Variants in AKAP6 observed in about 807,000 individuals in gnomAD.
AKAP6 encodes the protein A-kinase anchor protein 6.
AKAP6 carries 58 observed loss-of-function variants against 188.5 expected under a neutral mutation model. The ratio of observed to expected loss-of-function variants is 0.31; its 90% CI spans 0.25 to 0.38. The LOEUF (loss-of-function observed/expected upper bound fraction) is 0.38, where lower values mean the gene tolerates loss of function less well. Ranked by LOEUF, AKAP6 falls within the 10% of genes least tolerant of loss-of-function variation. The pLI, the probability that AKAP6 is intolerant of heterozygous loss-of-function variation, is 1.00. For synonymous variants in AKAP6, 989 were observed against 998.6 expected (o/e 0.99, Z 0.18); for missense variants, 2,710 against 2,740.0 (o/e 0.99, Z 0.24).
intron 2 of AKAP6, among the ~76,000 whole-genome samples, chr14:32,438,293 C>A (rs947969553): frequency 1.3e-5 from 2 of 152,128 alleles, no homozygotes; most frequent in Non-Finnish European, 2.9e-5. Context: ...AATGGTTGTG[C>A]CTGGCCCCTC....
At chr14:32,652,570 A>T (rs75753432) in intron 7 of AKAP6, among the ~76,000 whole-genome samples, 1,705 of 152,336 alleles carry the variant, frequency 0.011, 30 homozygotes, top group African/African-American at 0.039. Flanking sequence ...ATCAGATTAA[A>T]TCAAATATAT....
chr14:32,585,913 G>C (rs1885218099), intron 5 of AKAP6, among the ~76,000 whole-genome samples: 1 of 152,148 alleles, frequency 6.6e-6, no homozygotes, highest in African/African-American at 2.4e-5. Context: ...ACAGGTTGGG[G>C]CTGGGTGGTA....
intron 2 of AKAP6, among the ~76,000 whole-genome samples, chr14:32,487,051 C>T (rs542969467): frequency 5.8e-4 from 88 of 152,256 alleles, no homozygotes; most frequent in African/African-American, 2.0e-3. Flanking sequence ...TATCCCAGGC[C>T]TTTTCTGCCT....
intron 2 of AKAP6, among the ~76,000 whole-genome samples, chr14:32,459,244 A>G (rs1353104474): frequency 6.6e-6 from 1 of 152,114 alleles, no homozygotes; most frequent in African/African-American, 2.4e-5. Context: ...GGTAAGGGGG[A>G]GGCAATTGAC....
chr14:32,743,918 T>A (rs1229753246), intron 11 of AKAP6, among the ~76,000 whole-genome samples: 1 of 152,266 alleles, frequency 6.6e-6, no homozygotes, highest in African/African-American at 2.4e-5. Context: ...AACGTCCTTT[T>A]CTTTCTAACT....
chr14:32,457,122 G>GA (rs1286252419), intron 2 of AKAP6, among the ~76,000 whole-genome samples: 2 of 151,934 alleles, frequency 1.3e-5, no homozygotes, highest in Admixed American at 6.6e-5. Context: ...TGATTAAATG[G>GA]AAAAAAACAA....
intron 1 of AKAP6, among the ~76,000 whole-genome samples, chr14:32,432,267 A>G (rs1368935368): frequency 6.6e-6 from 1 of 152,200 alleles, no homozygotes; most frequent in African/African-American, 2.4e-5. Context: ...TCTTGAGACT[A>G]AAAATAGTGC....
chr14:32,688,201 T>C (rs933385067), intron 8 of AKAP6, among the ~76,000 whole-genome samples: 1 of 151,840 alleles, frequency 6.6e-6, no homozygotes, highest in Non-Finnish European at 1.5e-5. Context: ...GATCAATTTT[T>C]GTACTGTTTT....
At chr14:32,769,512 G>A (rs2032831622) in intron 11 of AKAP6, among the ~76,000 whole-genome samples, 1 of 150,182 alleles carries the variant, frequency 6.7e-6, no homozygotes, top group South Asian at 2.1e-4. Context: ...CAGTTGATCA[G>A]TTTAGAAGGC....
chr14:32,425,770 G>A (rs1477681424), intron 1 of AKAP6, among the ~76,000 whole-genome samples: 3 of 152,118 alleles, frequency 2.0e-5, no homozygotes, highest in Non-Finnish European at 4.4e-5. Flanking sequence ...TGCATAGTTT[G>A]CAAAAATTTT....
At chr14:32,415,239 G>T (rs1594591221) in intron 1 of AKAP6, among the ~76,000 whole-genome samples, 1 of 152,120 alleles carries the variant, frequency 6.6e-6, no homozygotes, top group Non-Finnish European at 1.5e-5. Flanking sequence ...GTGTCTTAAG[G>T]TTTGTATATG....
Position 32,831,072 on chromosome 14 carries a change from T to C in AKAP6, c.*1267T>C, listed in dbSNP as rs1054267029. The C allele has an allele frequency of 6.6e-6, 1 of 152,200 alleles. No homozygotes were observed. The highest frequency in any genetic ancestry group is 1.5e-5 in the Non-Finnish European group (1 of 68,024). 9.4% of individuals were successfully genotyped at this position (152,200 alleles called of 1,614,324 possible). ...CTAGATTTTTTATTTCCACTTATCA[T>C]TAATGATTTAATGTTGGATTTCAGG... On this transcript the variant is annotated 3_prime_UTR_variant, in exon 14 of 14. Transcript: ENST00000280979.
intron 2 of AKAP6, among the ~76,000 whole-genome samples, chr14:32,498,676 G>T (rs990852041): frequency 1.3e-5 from 2 of 152,030 alleles, no homozygotes; most frequent in African/African-American, 4.8e-5. Flanking sequence ...ACTTGGTCTT[G>T]CCCTTAAGAA....
At chr14:32,809,110 G>A (rs2140109842) in intron 12 of AKAP6, among the ~76,000 whole-genome samples, 1 of 152,350 alleles carries the variant, frequency 6.6e-6, no homozygotes, top group Non-Finnish European at 1.5e-5. Context: ...GATGCTCAGT[G>A]TACGTGGGCT....
rs1887987742 is a variant in AKAP6, at chr14:32,646,392, TAG to T, written c.2731-31915_2731-31914del. Among the ~76,000 whole-genome samples the T allele has an allele frequency of 2.6e-5, 4 of 152,058 alleles. No homozygotes were observed. In the South Asian group the frequency reaches 8.3e-4, roughly 31 times the overall value. On this transcript the variant is annotated intron_variant, in intron 7 of 13. Transcript: ENST00000280979. ...ATGACAAGTTTCAGAGAGACATAAATAGAGATTCTGAGTTTAGGCTAAGCAAC... is the reference window on the plus strand; with the variant it reads ...ATGACAAGTTTCAGAGAGACATAAATAGATTCTGAGTTTAGGCTAAGCAAC...
At chr14:32,692,282 G>A (rs1358404405) in intron 8 of AKAP6, among the ~76,000 whole-genome samples, 1 of 152,116 alleles carries the variant, frequency 6.6e-6, no homozygotes, top group African/African-American at 2.4e-5. Flanking sequence ...CAGTTCAATA[G>A]ATATAAATGC....
intron 11 of AKAP6, among the ~76,000 whole-genome samples, chr14:32,756,831 A>T (rs961087417): frequency 1.3e-5 from 2 of 152,226 alleles, no homozygotes; most frequent in Admixed American, 6.5e-5. Flanking sequence ...AGACTGGGAC[A>T]GTGGATAGCA....
intron 2 of AKAP6, among the ~76,000 whole-genome samples, chr14:32,530,415 C>G (rs1476305627): frequency 1.3e-5 from 2 of 151,972 alleles, no homozygotes; most frequent in Non-Finnish European, 2.9e-5. Flanking sequence ...AACTGAGGTG[C>G]CAAGTGTTGC....
chr14:32,821,261 G>A, intron 12 of AKAP6, 141 bp from the exon 13 acceptor site: 6 of 803,756 alleles, frequency 7.5e-6, no homozygotes, highest in Non-Finnish European at 1.1e-5. Flanking sequence ...GAGAGGAATA[G>A]AGTTGATAAT....
Sources: gnomAD v4.1 joint callset for allele counts (sites outside exome capture counted in the v4.1 genomes callset) on GRCh38, gnomAD v4.1.1 for gene constraint, MANE v1.5 for transcripts, NCBI Gene and HGNC (gene_info 2026-07-23, HGNC 2026-07-21) for gene names.